Variants in ERC2 observed in about 807,000 individuals in gnomAD.
ERC2 encodes the protein ERC protein 2.
ERC2 carries 42 observed loss-of-function variants against 114.8 expected under a neutral mutation model. That is an observed-to-expected ratio of 0.37 (90% CI 0.29 to 0.47). The LOEUF is 0.47. Ranked by LOEUF, ERC2 falls within the 20% of genes least tolerant of loss-of-function variation. ERC2 has a pLI of 0.99. For synonymous variants in ERC2, 454 were observed against 425.5 expected, an observed-to-expected ratio of 1.07 and a Z score of -0.82; for missense variants, 939 against 1,150.7, an observed-to-expected ratio of 0.82 and a Z score of 2.66.
intron 17 of ERC2, among the ~76,000 whole-genome samples, chr3:55,620,552 G>A (rs75714519): frequency 3.7e-3 from 568 of 152,264 alleles, no homozygotes; most frequent in Non-Finnish European, 6.6e-3. Flanking sequence ...TAACCCCACC[G>A]TCTGCTTCCT....
chr3:55,593,064 T>C (rs2057970844), intron 17 of ERC2, among the ~76,000 whole-genome samples: 1 of 152,198 alleles, frequency 6.6e-6, no homozygotes, highest in Non-Finnish European at 1.5e-5. Context: ...GCAAGAAAGA[T>C]ATGCCATGTT....
intron 12 of ERC2, among the ~76,000 whole-genome samples, chr3:55,969,591 G>A (rs2069008650): frequency 6.6e-6 from 1 of 152,208 alleles, no homozygotes; most frequent in Non-Finnish European, 1.5e-5. Context: ...CCTGCAGTAA[G>A]CCAGCCTTTG....
intron 13 of ERC2, among the ~76,000 whole-genome samples, chr3:55,923,318 G>A (rs2065545329): frequency 6.6e-6 from 1 of 152,056 alleles, no homozygotes; most frequent in South Asian, 2.1e-4. Context: ...GCTCATTTGA[G>A]GTACTTAGAG....
intron 2 of ERC2, among the ~76,000 whole-genome samples, chr3:56,308,469 A>G (rs1431295107): frequency 6.6e-6 from 1 of 152,238 alleles, no homozygotes; most frequent in Non-Finnish European, 1.5e-5. Flanking sequence ...TCAGAATCTA[A>G]TCCAGATCTC....
At chr3:56,030,080 TAGC>T (rs1292062187) in intron 7 of ERC2, among the ~76,000 whole-genome samples, 2 of 152,192 alleles carry the variant, frequency 1.3e-5, no homozygotes, top group Admixed American at 1.3e-4. Context: ...ATGGGTTACT[TAGC>T]AGTGTGATAT....
At chr3:56,003,005 T>C (rs1342924661) in intron 10 of ERC2, 1 of 977,214 alleles carries the variant, frequency 1.0e-6, no homozygotes, top group African/African-American at 1.7e-5. Context: ...CTCAAATATT[T>C]TCAAAACCTC....
intron 12 of ERC2, among the ~76,000 whole-genome samples, chr3:55,968,843 A>G (rs901942383): frequency 1.3e-5 from 2 of 152,196 alleles, no homozygotes; most frequent in Non-Finnish European, 2.9e-5. Context: ...TGGATTTCTC[A>G]GTAATGCTCT....
chr3:55,885,613 T>C (rs946510477), intron 14 of ERC2, among the ~76,000 whole-genome samples: 1 of 152,238 alleles, frequency 6.6e-6, no homozygotes, highest in Non-Finnish European at 1.5e-5. Context: ...AGTTAGGTGC[T>C]ATCTGAAACC....
chr3:55,843,994 G>A (rs1407918809), intron 14 of ERC2, among the ~76,000 whole-genome samples: 1 of 152,182 alleles, frequency 6.6e-6, no homozygotes, highest in African/African-American at 2.4e-5. Context: ...AATAACTTGT[G>A]AGTTCTCAGA....
chr3:56,379,596 G>T (rs1262201977), intron 2 of ERC2, among the ~76,000 whole-genome samples: 1 of 152,146 alleles, frequency 6.6e-6, no homozygotes, highest in Admixed American at 6.5e-5. Context: ...AACTCGAGCA[G>T]TCTGACTCTA....
chr3:55,863,439 A>G (rs1261083542), intron 14 of ERC2, among the ~76,000 whole-genome samples: 1 of 152,180 alleles, frequency 6.6e-6, no homozygotes, highest in African/African-American at 2.4e-5. Context: ...TTTGTGTGTT[A>G]GAGAAGGAAT....
At chr3:55,939,111 C>A (rs1032030942) in intron 13 of ERC2, among the ~76,000 whole-genome samples, 1 of 152,150 alleles carries the variant, frequency 6.6e-6, no homozygotes, top group African/African-American at 2.4e-5. Context: ...TAATGAGGTA[C>A]AATTTTTTAA....
intron 13 of ERC2, among the ~76,000 whole-genome samples, chr3:55,904,890 G>A (rs778135680): frequency 2.0e-5 from 3 of 152,154 alleles, no homozygotes; most frequent in Non-Finnish European, 2.9e-5. Flanking sequence ...CCGTTTTCAC[G>A]GTCATTCCTG....
At chr3:56,370,885 C>A (rs1015158202) in intron 2 of ERC2, among the ~76,000 whole-genome samples, 4 of 152,148 alleles carry the variant, frequency 2.6e-5, no homozygotes, top group African/African-American at 9.7e-5. Flanking sequence ...TGAGGCACTG[C>A]GCCCAGCCTT....
intron 6 of ERC2, among the ~76,000 whole-genome samples, chr3:56,081,308 C>T (rs1200902876): frequency 6.6e-6 from 1 of 152,184 alleles, no homozygotes; most frequent in Non-Finnish European, 1.5e-5. Flanking sequence ...CACATCAATA[C>T]TCCCATGTCT....
chr3:56,044,149 A>T (rs1359221231), intron 7 of ERC2, among the ~76,000 whole-genome samples: 1 of 152,238 alleles, frequency 6.6e-6, no homozygotes, highest in Non-Finnish European at 1.5e-5. Flanking sequence ...GAAAAAGAAC[A>T]GCATCAAAGA....
intron 14 of ERC2, among the ~76,000 whole-genome samples, chr3:55,787,177 G>A (rs1490511322): frequency 6.6e-6 from 1 of 152,160 alleles, no homozygotes; most frequent in Non-Finnish European, 1.5e-5. Context: ...AGCACTTTGG[G>A]AGCCAAGGTG....
chr3:55,542,518 A>G (rs1421231151), intron 17 of ERC2, among the ~76,000 whole-genome samples: 1 of 152,124 alleles, frequency 6.6e-6, no homozygotes, highest in South Asian at 2.1e-4. Context: ...TCTCTTTCTC[A>G]TGCCTTGAAA....
At chr3:56,171,243 G>A (rs971283576) in intron 4 of ERC2, among the ~76,000 whole-genome samples, 2 of 152,138 alleles carry the variant, frequency 1.3e-5, no homozygotes, top group African/African-American at 4.8e-5. Context: ...CAATTTCACA[G>A]GGGTGTAATG....
Sources: gnomAD v4.1 joint callset for allele counts (sites outside exome capture counted in the v4.1 genomes callset) on GRCh38, gnomAD v4.1.1 for gene constraint, MANE v1.5 for transcripts, NCBI Gene and HGNC (gene_info 2026-07-23, HGNC 2026-07-21) for gene names.